GDNF: variants seen among roughly 807,000 people sequenced by gnomAD.
The protein encoded by GDNF is glial cell line-derived neurotrophic factor.
GDNF carries 5 observed loss-of-function variants against 13.7 expected under a neutral mutation model. The observed-to-expected ratio is 0.36, with a 90% CI of 0.19 to 0.77. The LOEUF (loss-of-function observed/expected upper bound fraction) is 0.77. GDNF is among the 30% of genes least tolerant of loss of function. The pLI, the probability that GDNF is intolerant of heterozygous loss-of-function variation, is 0.51. For missense variants in GDNF, 246 were observed against 274.3 expected (o/e 0.90, Z 0.73); for synonymous variants, 122 against 112.5 (o/e 1.08, Z -0.53).
In GDNF at chr5:37,838,577, G is replaced by T. The variant is rs1750789642; in HGVS notation, c.-27+930C>A. 6.6e-6 allele frequency among the ~76,000 whole-genome samples: 1 copy of T among 152,220 alleles called. No homozygotes were observed. The highest frequency in any genetic ancestry group is 6.5e-5 in the Admixed American group (1 of 15,290). ...AAGCCCCCCGGGGGCGCGCACATGG[G>T]TCCTGGCGGCGGATTCTACCAAAGC... On this transcript the variant is annotated intron_variant, in intron 1 of 2. Coordinates refer to ENST00000326524, the MANE Select transcript of GDNF (RefSeq NM_000514.4). The surrounding 1 kb of genome is among the most constrained non-coding windows in gnomAD (Gnocchi z 4.1).
intron 1 of GDNF, chr5:37,835,759 C>T (rs1413892043): frequency 6.9e-6 from 7 of 1,014,006 alleles, no homozygotes; most frequent in Non-Finnish European, 1.1e-5. Context: ...CTTCCCCTCC[C>T]AGAGGAGTCA....
At chr5:37,832,996 T>C (rs534513847) in intron 2 of GDNF, among the ~76,000 whole-genome samples, 1 of 152,366 alleles carries the variant, frequency 6.6e-6, no homozygotes, top group African/African-American at 2.4e-5. Context: ...CTTCTCTTTA[T>C]GGTACAGTTC....
At position 37,837,350 on chromosome 5, in the gene GDNF, TG is replaced by T. The variant is rs1750743108; in HGVS notation, c.-27+2156del. 6.6e-6 allele frequency among the ~76,000 whole-genome samples: 1 copy of T among 152,210 alleles called. No individual in the cohort carries two copies. The highest frequency in any genetic ancestry group is 2.4e-5 in the African/African-American group (1 of 41,460). On this transcript the variant is annotated intron_variant, in intron 1 of 2. Coordinates refer to ENST00000326524, the MANE Select transcript of GDNF (RefSeq NM_000514.4). This position sits in a 1 kb window ranked among gnomAD's most constrained non-coding sequence, Gnocchi z 6.5. ...TCCTCAAGTGACGGGGGCTCTGCTC[TG>T]CCAGGTGACCGCGCACCATTTCTCG... is the stretch of plus-strand genomic sequence containing the variant.
At chr5:37,822,791 C>G (rs935377041) in intron 2 of GDNF, among the ~76,000 whole-genome samples, 1 of 152,136 alleles carries the variant, frequency 6.6e-6, no homozygotes, top group Non-Finnish European at 1.5e-5. Context: ...CACACATATA[C>G]ATACTTATAT....
intron 2 of GDNF, among the ~76,000 whole-genome samples, chr5:37,830,446 C>T (rs539633830): frequency 9.8e-5 from 15 of 152,286 alleles, no homozygotes; most frequent in South Asian, 2.1e-4. Context: ...GGGCAGCTGA[C>T]CCAGGGGCAG....
chr5:37,827,370 A>G (rs573244874), intron 2 of GDNF, among the ~76,000 whole-genome samples: 2 of 152,392 alleles, frequency 1.3e-5, no homozygotes, highest in African/African-American at 4.8e-5. Flanking sequence ...TAGAAGGTAC[A>G]TACTGAAATA....
At chr5:37,818,798 C>T (rs918269911) in intron 2 of GDNF, among the ~76,000 whole-genome samples, 1 of 152,106 alleles carries the variant, frequency 6.6e-6, no homozygotes, top group Non-Finnish European at 1.5e-5. Context: ...TTAAATGTCT[C>T]CCACCCTGTG....
intron 2 of GDNF, among the ~76,000 whole-genome samples, chr5:37,827,072 G>A (rs1236526801): frequency 6.6e-6 from 1 of 152,140 alleles, no homozygotes; most frequent in African/African-American, 2.4e-5. Flanking sequence ...AGGGTAGTCT[G>A]GGAAACAGCT....
intron 2 of GDNF, among the ~76,000 whole-genome samples, chr5:37,817,729 C>T (rs1749984330): frequency 6.6e-6 from 1 of 152,088 alleles, no homozygotes; most frequent in African/African-American, 2.4e-5. Flanking sequence ...GCAGGATCAG[C>T]TGCACGGAAA....
Position 37,815,690 on chromosome 5 carries a change from A to G in GDNF, c.597T>C (p.Ile199=), listed in dbSNP as rs1000747647. The G allele has an allele frequency of 6.8e-6, 11 of 1,613,716 alleles. No homozygotes were observed. Among genetic ancestry groups the G allele is most frequent in the Non-Finnish European group, 6.8e-6 (8 of 1,179,718 alleles). Residue 199 remains isoleucine, a synonymous_variant, in exon 3 of 3, where the codon ATT becomes ATC. Transcript: ENST00000326524. This position sits in a 1 kb window ranked among gnomAD's most constrained non-coding sequence, Gnocchi z 5.0. ...SFLDDNLVYH[I]LRKHSAKRCG... ...ACCTTTTAGCGGAATGCTTTCTTAG[A>G]ATATGGTAAACCAGGTTATCATCTA...
intron 2 of GDNF, among the ~76,000 whole-genome samples, chr5:37,820,120 A>AG (rs1750080525): frequency 6.6e-6 from 1 of 151,976 alleles, no homozygotes; most frequent in African/African-American, 2.4e-5. Flanking sequence ...ATTCTAAATA[A>AG]GTCATTAATT....
At chr5:37,819,407 A>T (rs1343949622) in intron 2 of GDNF, among the ~76,000 whole-genome samples, 1 of 150,804 alleles carries the variant, frequency 6.6e-6, no homozygotes, top group South Asian at 2.1e-4. Flanking sequence ...GTCCCTGAGT[A>T]ATGCTTTCTT....
chr5:37,816,117 T>C lies in GDNF; in HGVS notation c.170A>G (p.Tyr57Cys), dbSNP rs1749921032. The C allele has an allele frequency of 6.2e-7, 1 of 1,613,596 alleles. No individual in the cohort carries two copies. The highest frequency in any genetic ancestry group is 1.3e-5 in the African/African-American group (1 of 74,920). The change falls in exon 3 of 3, where the codon TAT (tyrosine) becomes TGT (cysteine). Residue 57 changes from tyrosine to cysteine, a missense_variant. Coordinates refer to ENST00000326524, the MANE Select transcript of GDNF (RefSeq NM_000514.4). ...LSSDSNMPEDYPDQFDDVMDF... is the reference protein window; with the variant it reads ...LSSDSNMPEDCPDQFDDVMDF... ...CATGACATCATCGAACTGATCAGGA[T>C]AATCCTCTGGCATATTTGCTGTTCA...
At chr5:37,819,761 T>C (rs1379030934) in intron 2 of GDNF, among the ~76,000 whole-genome samples, 3 of 152,124 alleles carry the variant, frequency 2.0e-5, no homozygotes, top group Non-Finnish European at 2.9e-5. Context: ...CCAAGAGTGC[T>C]CTTAATTTGT....
At position 37,815,901 on chromosome 5, in the gene GDNF, T is replaced by C. The variant is rs1232772150; in HGVS notation, c.386A>G (p.Asp129Gly). ...VLTAIHLNVTDLGLGYETKEE... is the reference protein window; with the variant it reads ...VLTAIHLNVTGLGLGYETKEE... ...CTTGGTTTCATAGCCCAGACCCAAGTCAGTGACATTTAAATGTATTGCAGT... is the reference window on the plus strand; with the variant it reads ...CTTGGTTTCATAGCCCAGACCCAAGCCAGTGACATTTAAATGTATTGCAGT... The change falls in exon 3 of 3, where the codon GAC becomes GGC. Residue 129 changes from aspartate (D) to glycine (G), a missense_variant. Asp to Gly is a moderately conservative substitution (Grantham distance 94, BLOSUM62 -1). Transcript: ENST00000326524. The surrounding 1 kb of genome is among the most constrained non-coding windows in gnomAD (Gnocchi z 5.0). The C allele has an allele frequency of 6.2e-7, 1 of 1,614,020 alleles. No homozygotes were observed. The highest frequency in any genetic ancestry group is 1.3e-5 in the African/African-American group (1 of 74,904).
chr5:37,819,546 G>C (rs760253810), intron 2 of GDNF, among the ~76,000 whole-genome samples: 25 of 148,958 alleles, frequency 1.7e-4, no homozygotes, highest in Non-Finnish European at 3.0e-4. Context: ...TCCAATTCCC[G>C]GGTTCAAGTG....
rs72745196 is a variant in GDNF at position 37,816,386 on chromosome 5, C to T, written c.152-251G>A. On this transcript the variant is annotated intron_variant, in intron 2 of 2. Transcript: ENST00000326524. ...CTCGAAGAAAACAAATCCTTAGAAGCATAGTTTTCATTTGAATAACATTCA... is the reference window on the plus strand; with the variant it reads ...CTCGAAGAAAACAAATCCTTAGAAGTATAGTTTTCATTTGAATAACATTCA... Among the ~76,000 whole-genome samples the T allele has an allele frequency of 0.034, 5,104 of 152,260 alleles. 158 individuals are homozygous for T. The highest frequency in any genetic ancestry group is 0.079 in the African/African-American group (3,291 of 41,532).
In GDNF at chr5:37,837,263, TG is replaced by T. The variant is rs1347146567; in HGVS notation, c.-27+2243del. On this transcript the variant is annotated intron_variant, in intron 1 of 2. Coordinates refer to ENST00000326524, the MANE Select transcript of GDNF (RefSeq NM_000514.4). The surrounding 1 kb of genome is among the most constrained non-coding windows in gnomAD (Gnocchi z 6.5). ...TGCCCGACGCGCTTCTCCTCAACCA[TG>T]GGCCTTTGCCCGCGGTGCAAACTGC... Among the ~76,000 whole-genome samples, 1 of 152,190 alleles carries T rather than the reference TG, an allele frequency of 6.6e-6. No homozygotes were observed. The highest frequency in any genetic ancestry group is 1.5e-5 in the Non-Finnish European group (1 of 68,022).
intron 1 of GDNF, among the ~76,000 whole-genome samples, chr5:37,836,344 C>T (rs1750702906): frequency 6.6e-6 from 1 of 152,162 alleles, no homozygotes; most frequent in African/African-American, 2.4e-5. Context: ...CACTCCCTGT[C>T]CCGGTGCAGG....
Sources: allele counts gnomAD v4.1 joint callset (sites outside exome capture counted in the v4.1 genomes callset), GRCh38; gene constraint gnomAD v4.1.1; non-coding constraint Gnocchi (gnomAD v3.1); transcripts MANE v1.5; gene names NCBI Gene and HGNC (gene_info 2026-07-23, HGNC 2026-07-21).